The following NBPF15 variants were observed in gnomAD, a reference collection of about 807,000 sequenced individuals.
NBPF15 encodes the protein NBPF member 15, also known as NBPF family member NBPF15.
In NBPF15, 74 loss-of-function variants were observed where a neutral mutation model predicts 62.2. The observed-to-expected ratio is 1.19, with a 90% CI of 0.99 to 1.44. NBPF15 has a LOEUF of 1.44. Among genes scored for constraint, NBPF15 ranks in the 40% most tolerant of loss-of-function variants. The pLI, the probability that NBPF15 is intolerant of heterozygous loss-of-function variation, is 0.00. For synonymous variants in NBPF15, 244 were observed against 209.7 expected, an observed-to-expected ratio of 1.16 and a Z score of -1.41; for missense variants, 790 against 550.0, an observed-to-expected ratio of 1.44 and a Z score of -4.36.
At chr1:144,440,728 C>A (rs1481421851) in intron 6 of NBPF15, 1 of 150,190 alleles carries the variant, frequency 6.7e-6, no homozygotes, top group African/African-American at 2.5e-5. Context: ...TCTAGGCTCA[C>A]TGCAAGCTCT....
chr1:144,436,003 GCA>G (rs1401860529), intron 10 of NBPF15, 150 bp from the exon 11 acceptor site: 1 of 609,058 alleles, frequency 1.6e-6, no homozygotes, highest in Non-Finnish European at 2.9e-6. Flanking sequence ...GAATGCCCTG[GCA>G]TGGTTTCCTG....
chr1:144,442,209 A>AT (rs1683824285), intron 6 of NBPF15, among the ~76,000 whole-genome samples: 1 of 99,170 alleles, frequency 1.0e-5, no homozygotes, highest in African/African-American at 4.8e-5. Flanking sequence ...ATATATTATT[A>AT]ATATATATAA....
rs1553547813 is a variant in NBPF15, at chr1:144,459,374, C to T, written c.-709G>A. On this transcript the variant is annotated 5_prime_UTR_variant, in exon 3 of 22. Coordinates refer to ENST00000581897, the MANE Select transcript of NBPF15 (RefSeq NM_001385408.1). ...AGTGTGGTGGTGCTCACCTGTAGGT[C>T]CCAGCTACTTGGGGGCTGAGGCAGG... 6.6e-6 allele frequency: 1 copy of T among 151,946 alleles called. No homozygotes were observed. Among genetic ancestry groups the T allele is most frequent in the African/African-American group, 2.4e-5 (1 of 41,324 alleles). The allele number at this position is 151,946 out of a possible 1,614,324, so 9.4% of individuals were successfully genotyped here.
At chr1:144,452,797 G>C (rs587743278) in intron 4 of NBPF15, among the ~76,000 whole-genome samples, 1 of 147,758 alleles carries the variant, frequency 6.8e-6, no homozygotes, top group South Asian at 2.2e-4. Context: ...TGAGGTCACA[G>C]GGAAAACTGC....
chr1:144,435,027 A>G, intron 12 of NBPF15, 84 bp downstream of exon 12: 1 of 1,610,418 alleles, frequency 6.2e-7, no homozygotes, highest in South Asian at 1.1e-5. Context: ...TATTCAAATG[A>G]ATTTGTGTTG....
At chr1:144,442,153 T>G (rs1683551270) in intron 6 of NBPF15, among the ~76,000 whole-genome samples, 1 of 3,800 alleles carries the variant, frequency 2.6e-4, no homozygotes, top group African/African-American at 6.6e-4. Flanking sequence ...ATATAATATA[T>G]ATACACGTGT....
chr1:144,429,282 A>G (rs1458798525), intron 14 of NBPF15, among the ~76,000 whole-genome samples: 2 of 149,144 alleles, frequency 1.3e-5, no homozygotes, highest in African/African-American at 2.6e-5. Context: ...CAAGGGTGAC[A>G]CTGGCCTTGG....
In NBPF15 at chr1:144,428,606, C is replaced by G. The variant is rs1194254364; in HGVS notation, c.1040G>C (p.Arg347Thr). ...ACTGTCCACAATTTCTCAGACTCAC[C>G]TGGGACCTGTTGCCTCTTGGTCCTC... Reference protein sequence around the residue: ...KKEDQEATGPRLSRELLDEKE... With the variant: ...KKEDQEATGPTLSRELLDEKE... Residue 347 changes from arginine to threonine, a missense_variant and splice_region_variant, in exon 15 of 22, where the codon AGG becomes ACG. Physicochemically the swap from Arg to Thr is moderately conservative, Grantham distance 71. Coordinates refer to ENST00000581897, the MANE Select transcript of NBPF15 (RefSeq NM_001385408.1). The G allele has an allele frequency of 1.2e-6, 1 of 824,090 alleles. No homozygotes were observed. Among genetic ancestry groups the G allele is most frequent in the Non-Finnish European group, 2.1e-6 (1 of 470,478 alleles). 51.0% of individuals were successfully genotyped at this position (824,090 alleles called of 1,614,324 possible).
chr1:144,457,307 T>G (rs147122370), intron 3 of NBPF15, among the ~76,000 whole-genome samples: 2,554 of 151,960 alleles, frequency 0.017, 68 homozygotes, highest in African/African-American at 0.052. Flanking sequence ...CTTTGGAATC[T>G]CATCTACTGG....
At chr1:144,434,581 G>A (rs1299575786) in intron 12 of NBPF15, among the ~76,000 whole-genome samples, 1 of 148,254 alleles carries the variant, frequency 6.7e-6, no homozygotes, top group African/African-American at 2.5e-5. Context: ...GGAGAACCAG[G>A]GTCCAGCCTT....
chr1:144,442,176 A>AGGCCAT (rs1683679751), intron 6 of NBPF15, among the ~76,000 whole-genome samples: 1 of 111,514 alleles, frequency 9.0e-6, no homozygotes, highest in African/African-American at 3.8e-5. Context: ...ATATATATAT[A>AGGCCAT]TATAATATAT....
rs1324067763 is a variant in NBPF15 at position 144,444,398 on chromosome 1, G to A, written c.-190-4103C>T. On this transcript the variant is annotated intron_variant, in intron 6 of 21. Coordinates refer to ENST00000581897, the MANE Select transcript of NBPF15 (RefSeq NM_001385408.1). ...AATAACGAAGGCATTCTTAACAGGA[G>A]CCATTTAGTATTAAATAAGTTTTAC... Among the ~76,000 whole-genome samples, 161 of 151,824 alleles carry A rather than the reference G, an allele frequency of 1.1e-3. 3 individuals are homozygous for A. Among genetic ancestry groups the A allele is most frequent in the Non-Finnish European group, 1.9e-3 (131 of 67,900 alleles).
At position 144,423,962 on chromosome 1, in the gene NBPF15, CTTCTT is replaced by C. The variant is rs1667654710; in HGVS notation, c.1672_1676del (p.Lys558GlyfsTer25). ...TTCCCCTTCTTTTCTTCCCCTTCCC[CTTCTT>C]TTCAATTTCTGCAATAAATTCAGAC... On this transcript the variant is annotated frameshift_variant, in exon 21 of 22. Transcript: ENST00000581897. LOFTEE classifies it high-confidence loss of function. 1 of 769,370 alleles carries C rather than the reference CTTCTT, an allele frequency of 1.3e-6. No homozygotes were observed. Among genetic ancestry groups the C allele is most frequent in the Non-Finnish European group, 2.4e-6 (1 of 422,144 alleles). The allele number at this position is 769,370 out of a possible 1,614,324, so 47.7% of individuals were successfully genotyped here.
intron 5 of NBPF15, among the ~76,000 whole-genome samples, chr1:144,449,530 C>T (rs1239456418): frequency 6.6e-6 from 1 of 150,798 alleles, no homozygotes; most frequent in Non-Finnish European, 1.5e-5. Context: ...CACAAAACAA[C>T]ATGGATGAAT....
chr1:144,446,528 C>T (rs1441541059), intron 6 of NBPF15, among the ~76,000 whole-genome samples: 1 of 152,222 alleles, frequency 6.6e-6, no homozygotes, highest in Non-Finnish European at 1.5e-5. Context: ...CAATCTTATG[C>T]CATTTAATAT....
intron 6 of NBPF15, 58 bp from the exon 7 acceptor site, chr1:144,440,353 G>T: frequency 2.0e-6 from 2 of 991,558 alleles, no homozygotes; most frequent in Admixed American, 2.8e-5. Context: ...TAGGAGCCCT[G>T]CATTCCAATT....
chr1:144,459,293 C>G (rs1553547795), intron 3 of NBPF15, 73 bp downstream of exon 3: 2 of 151,980 alleles, frequency 1.3e-5, no homozygotes, highest in African/African-American at 4.8e-5. Context: ...GAATTCCAGA[C>G]CAGCCTATGC....
At chr1:144,447,930 G>C (rs1470968192) in intron 6 of NBPF15, among the ~76,000 whole-genome samples, 11 of 152,038 alleles carry the variant, frequency 7.2e-5, no homozygotes, top group Non-Finnish European at 2.9e-5. Flanking sequence ...GATGCTCACA[G>C]AGAACCACAG....
At chr1:144,459,091 C>G (rs1458749259) in intron 3 of NBPF15, among the ~76,000 whole-genome samples, 51 of 151,122 alleles carry the variant, frequency 3.4e-4, no homozygotes, top group Admixed American at 3.4e-3. Context: ...AAGGTTAACA[C>G]AGAAAAATGT....
Sources: gnomAD v4.1 joint callset for allele counts (sites outside exome capture counted in the v4.1 genomes callset) on GRCh38, gnomAD v4.1.1 for gene constraint, MANE v1.5 for transcripts, NCBI Gene and HGNC (gene_info 2026-07-23, HGNC 2026-07-21) for gene names.